SMAP2: variants seen among roughly 807,000 people sequenced by gnomAD.
SMAP2 encodes stromal membrane-associated protein 2.
A neutral mutation model predicts 56.4 loss-of-function variants in SMAP2; 25 were observed. That is an observed-to-expected ratio of 0.44 (90% CI 0.32 to 0.62). SMAP2 has a LOEUF of 0.62. Ranked by LOEUF, SMAP2 falls within the 20% of genes least tolerant of loss-of-function variation. The pLI, the probability that SMAP2 is intolerant of heterozygous loss-of-function variation, is 0.04. For missense variants in SMAP2, 388 were observed against 545.6 expected, an observed-to-expected ratio of 0.71 and a Z score of 2.88; for synonymous variants, 157 against 181.7, an observed-to-expected ratio of 0.86 and a Z score of 1.09.
chr1:40,399,699 C>A, intron 1 of SMAP2, among the ~76,000 whole-genome samples: 1 of 47,550 alleles, frequency 2.1e-5, no homozygotes, highest in East Asian at 5.4e-4. Context: ...AAGACCCTGT[C>A]TCAAAAAAAA....
At chr1:40,406,350 T>A (rs905544396) in intron 1 of SMAP2, among the ~76,000 whole-genome samples, 6 of 152,238 alleles carry the variant, frequency 3.9e-5, no homozygotes, top group Admixed American at 2.6e-4. Flanking sequence ...TAATTCTTTT[T>A]ATATTAAATG....
At chr1:40,399,310 A>ATTTTTTTTTTT (rs747127620) in intron 1 of SMAP2, among the ~76,000 whole-genome samples, 123 of 91,926 alleles carry the variant, frequency 1.3e-3, no homozygotes, top group African/African-American at 2.1e-3. Flanking sequence ...ACGTGTGGCT[A>ATTTTTTTTTTT]TTTTTTTTTT....
At chr1:40,388,042 C>T (rs889059949) in intron 1 of SMAP2, among the ~76,000 whole-genome samples, 1 of 152,194 alleles carries the variant, frequency 6.6e-6, no homozygotes, top group Non-Finnish European at 1.5e-5. Context: ...AGTGCCGGCC[C>T]ACCGGCGCTG....
upstream of SMAP2, among the ~76,000 whole-genome samples, chr1:40,370,824 T>C (rs540499829): frequency 5.3e-4 from 71 of 133,146 alleles, no homozygotes; most frequent in Middle Eastern, 3.7e-3. Context: ...ACCTGCACAA[T>C]GTGCACATGT....
At chr1:40,372,757 GATTA>G (rs1251270937), upstream of SMAP2, among the ~76,000 whole-genome samples, 2 of 152,182 alleles carry the variant, frequency 1.3e-5, no homozygotes, top group East Asian at 3.8e-4. Context: ...TATCTTCCCT[GATTA>G]ATTATTTCCA....
At chr1:40,345,888 G>GTATTA (rs56769230) in intron 1 of SMAP2, among the ~76,000 whole-genome samples, 38,239 of 119,756 alleles carry the variant, frequency 0.32, 6,444 homozygotes, top group East Asian at 0.42. Flanking sequence ...ATATTGTATT[G>GTATTA]TATTATATTA....
chr1:40,413,717 G>T (rs1346393535), intron 5 of SMAP2, among the ~76,000 whole-genome samples: 1 of 152,178 alleles, frequency 6.6e-6, no homozygotes, highest in Non-Finnish European at 1.5e-5. Flanking sequence ...AGTGATACTG[G>T]CAGAGTGAAT....
intron 1 of SMAP2, among the ~76,000 whole-genome samples, chr1:40,387,173 C>T (rs990889101): frequency 6.6e-6 from 1 of 152,164 alleles, no homozygotes; most frequent in Non-Finnish European, 1.5e-5. Context: ...TAATTCTTAT[C>T]ACCCATTTAC....
intron 9 of SMAP2, 78 bp downstream of exon 9, chr1:40,417,174 C>T: frequency 1.0e-6 from 1 of 962,530 alleles, no homozygotes; most frequent in Non-Finnish European, 1.6e-6. Flanking sequence ...TCTCCACTAT[C>T]CTTTGAATCC....
At chr1:40,415,555 T>C (rs1239014869) in intron 7 of SMAP2, among the ~76,000 whole-genome samples, 174 bp downstream of exon 7, 2 of 152,224 alleles carry the variant, frequency 1.3e-5, no homozygotes, top group Admixed American at 6.5e-5. Flanking sequence ...TTGCTGTTCA[T>C]GCCTTTTTTT....
intron 1 of SMAP2, among the ~76,000 whole-genome samples, chr1:40,404,322 A>G (rs548198219): frequency 7.9e-5 from 12 of 152,194 alleles, no homozygotes; most frequent in Non-Finnish European, 1.5e-4. Flanking sequence ...AAGGGATGTC[A>G]GGTAGGGATT....
At position 40,374,934 on chromosome 1, in the gene SMAP2, G is replaced by A. The variant is rs1569838436; in HGVS notation, c.103+711G>A. 4.1e-6 allele frequency: 4 copies of A among 985,304 alleles called. No homozygotes were observed. In the African/African-American group the frequency reaches 7.0e-5, roughly 17 times the overall value. The allele number at this position is 985,304 out of a possible 1,614,324, so 61.0% of individuals were successfully genotyped here. A position where few individuals can be genotyped will look rare whatever the true frequency, so the allele number is the denominator to read the frequency against. On this transcript the variant is annotated intron_variant, in intron 1 of 9. Transcript: ENST00000372718. This position sits in a 1 kb window ranked among gnomAD's most constrained non-coding sequence, Gnocchi z 5.9. ...TGGCAGAAACTAGCCGATTATGCCT[G>A]TAGTGCAGGATCCGTTTAATCAGTG...
At chr1:40,393,029 G>C (rs2124281228) in intron 1 of SMAP2, among the ~76,000 whole-genome samples, 1 of 151,556 alleles carries the variant, frequency 6.6e-6, no homozygotes, top group East Asian at 1.9e-4. Context: ...TTGAACCCGG[G>C]AGGCGGAGGT....
chr1:40,385,937 G>A lies in SMAP2; in HGVS notation c.103+11714G>A, dbSNP rs1442365032. ...TTTTGAGTTAAGGAAGTTTTGTCTT[G>A]ATATTGTTTAGGTGGTTGTTTTTGT... On this transcript the variant is annotated intron_variant, in intron 1 of 9. Coordinates refer to ENST00000372718, the MANE Select transcript of SMAP2 (RefSeq NM_022733.3). The surrounding 1 kb of genome is among the most constrained non-coding windows in gnomAD (Gnocchi z 4.5). Among the ~76,000 whole-genome samples, 1 of 152,194 alleles carries A rather than the reference G, an allele frequency of 6.6e-6. No homozygotes were observed. Among genetic ancestry groups the A allele is most frequent in the Non-Finnish European group, 1.5e-5 (1 of 68,036 alleles).
chr1:40,417,523 C>T (rs1053805019), intron 9 of SMAP2, among the ~76,000 whole-genome samples: 23 of 152,136 alleles, frequency 1.5e-4, no homozygotes, highest in African/African-American at 5.6e-4. Flanking sequence ...GAAGATGGAG[C>T]AGGGGCCTAG....
In SMAP2 at chr1:40,373,930, A is replaced by C; in HGVS notation, c.-191A>C. ...AAGCCCGCCAAGGGGCGCCGCGCCG[A>C]GGGGCTGCGGAGTGGGGGACGGACG... is the stretch of plus-strand genomic sequence containing the variant. On this transcript the variant is annotated 5_prime_UTR_variant, in exon 1 of 10. Coordinates refer to ENST00000372718, the MANE Select transcript of SMAP2 (RefSeq NM_022733.3). 1.9e-6 allele frequency: 1 copy of C among 537,590 alleles called. No individual in the cohort carries two copies. The highest frequency in any genetic ancestry group is 3.3e-6 in the Non-Finnish European group (1 of 300,204). The allele number at this position is 537,590 out of a possible 1,614,324, so 33.3% of individuals were successfully genotyped here. A position where few individuals can be genotyped will look rare whatever the true frequency, so the allele number is the denominator to read the frequency against.
rs765792054 is a variant in SMAP2, at chr1:40,416,352, TG to T, written c.847+14del. On this transcript the variant is annotated intron_variant, in intron 8 of 9. Coordinates refer to ENST00000372718, the MANE Select transcript of SMAP2 (RefSeq NM_022733.3). Reference sequence around the variant, plus strand: ...AAATGCCTACTCAAGGTAGATTTCATGGGTGTCATGGCCATGTGCCAGGTAG... The same window carrying T: ...AAATGCCTACTCAAGGTAGATTTCATGGTGTCATGGCCATGTGCCAGGTAG... 1.2e-6 allele frequency: 2 copies of T among 1,610,504 alleles called. No homozygotes were observed. Among genetic ancestry groups the T allele is most frequent in the South Asian group, 2.2e-5 (2 of 90,698 alleles).
At chr1:40,383,771 C>A (rs1003583436) in intron 1 of SMAP2, among the ~76,000 whole-genome samples, 2 of 152,178 alleles carry the variant, frequency 1.3e-5, no homozygotes, top group African/African-American at 4.8e-5. Flanking sequence ...TCTGGGAAGT[C>A]TTAGGTATGG....
intron 1 of SMAP2, among the ~76,000 whole-genome samples, chr1:40,382,248 C>T (rs533067609): frequency 1.3e-5 from 2 of 152,208 alleles, no homozygotes; most frequent in Non-Finnish European, 2.9e-5. Context: ...CTGAAAATTC[C>T]ATCTTGGAAA....
Sources: allele counts gnomAD v4.1 joint callset (sites outside exome capture counted in the v4.1 genomes callset), GRCh38; gene constraint gnomAD v4.1.1; non-coding constraint Gnocchi (gnomAD v3.1); transcripts MANE v1.5; gene names NCBI Gene and HGNC (gene_info 2026-07-23, HGNC 2026-07-21).